The following PCMTD1 variants were observed in gnomAD, a reference collection of about 807,000 sequenced individuals.
The protein encoded by PCMTD1 is protein-L-isoaspartate O-methyltransferase domain-containing protein 1.
PCMTD1 carries 12 observed loss-of-function variants against 37.6 expected under a neutral mutation model. The observed-to-expected ratio is 0.32, with a 90% confidence interval of 0.20 to 0.52. PCMTD1 has a LOEUF of 0.52. Among genes scored for constraint, PCMTD1 ranks in the 20% least tolerant of loss-of-function variants. The pLI, the probability that PCMTD1 is intolerant of heterozygous loss-of-function variation, is 0.97. For synonymous variants in PCMTD1, 117 were observed against 135.8 expected (o/e 0.86, Z 0.96); for missense variants, 235 against 421.3 (o/e 0.56, Z 3.87).
At chr8:51,824,115 C>T (rs2037887117) in intron 5 of PCMTD1, among the ~76,000 whole-genome samples, 1 of 152,176 alleles carries the variant, frequency 6.6e-6, no homozygotes, top group African/African-American at 2.4e-5. Flanking sequence ...AAACTGGAAG[C>T]ATTCCCTTTG....
At chr8:51,838,430 G>T (rs770391179) in intron 3 of PCMTD1, among the ~76,000 whole-genome samples, 1 of 151,780 alleles carries the variant, frequency 6.6e-6, no homozygotes, top group Admixed American at 6.6e-5. Flanking sequence ...TGTAAACTAC[G>T]GTGAGCTATG....
intron 1 of PCMTD1, among the ~76,000 whole-genome samples, chr8:51,870,591 G>C (rs1034045462): frequency 6.6e-6 from 1 of 152,024 alleles, no homozygotes; most frequent in Non-Finnish European, 1.5e-5. Flanking sequence ...TATATACCTA[G>C]CACTGTGCTC....
intron 1 of PCMTD1, among the ~76,000 whole-genome samples, chr8:51,889,893 T>TAC (rs1389318433): frequency 2.2e-5 from 3 of 136,288 alleles, no homozygotes; most frequent in African/African-American, 7.8e-5. Context: ...TGTGTGTGTG[T>TAC]ACACACAAAA....
chr8:51,867,246 T>G (rs138672812), intron 1 of PCMTD1, among the ~76,000 whole-genome samples: 87 of 152,142 alleles, frequency 5.7e-4, no homozygotes, highest in Non-Finnish European at 1.0e-3. Context: ...TTGGTGGAAA[T>G]GAAAATTAAT....
At chr8:51,850,348 G>A (rs1438210573) in intron 2 of PCMTD1, among the ~76,000 whole-genome samples, 2 of 152,122 alleles carry the variant, frequency 1.3e-5, no homozygotes, top group East Asian at 1.9e-4. Flanking sequence ...ACCTACATAA[G>A]GGGTTCTCAA....
At chr8:51,899,165 A>G, upstream of PCMTD1, 2 of 1,315,422 alleles carry the variant, frequency 1.5e-6, no homozygotes, top group Non-Finnish European at 1.9e-6. Flanking sequence ...AAAGTCAACA[A>G]GGCCGGGAGA....
At chr8:51,850,063 G>A (rs1275326407) in intron 2 of PCMTD1, 8 of 702,242 alleles carry the variant, frequency 1.1e-5, no homozygotes, top group South Asian at 3.0e-5. Context: ...CATCATTTCA[G>A]TTGAGGACTC....
At chr8:51,885,495 G>A (rs979550243) in intron 1 of PCMTD1, among the ~76,000 whole-genome samples, 13 of 152,076 alleles carry the variant, frequency 8.5e-5, no homozygotes, top group African/African-American at 2.9e-4. Context: ...TACTGCAGTC[G>A]GCTTGAAAAG....
At chr8:51,838,991 G>T (rs1320002399) in intron 3 of PCMTD1, among the ~76,000 whole-genome samples, 1 of 152,204 alleles carries the variant, frequency 6.6e-6, no homozygotes, top group African/African-American at 2.4e-5. Flanking sequence ...ACTCGTAAAA[G>T]AATGGTTGGC....
At chr8:51,899,135 G>C (rs539439736), upstream of PCMTD1, 33 of 1,377,132 alleles carry the variant, frequency 2.4e-5, no homozygotes, top group South Asian at 4.7e-4. Flanking sequence ...CGGGCACAGG[G>C]GCAGCTCCCC....
In PCMTD1 at chr8:51,874,977, T is replaced by C. The variant is rs555563766; in HGVS notation, c.-95-13731A>G. 2.6e-5 allele frequency among the ~76,000 whole-genome samples: 4 copies of C among 152,306 alleles called. No individual in the cohort carries two copies. The East Asian group carries it at 7.7e-4, about 29-fold the overall frequency. Reference sequence around the variant, plus strand: ...AAGAAATTGAGCCTCAGCAGTTGCCTTGTTCAAGATGACACAAGTTAGTTG... The same window carrying C: ...AAGAAATTGAGCCTCAGCAGTTGCCCTGTTCAAGATGACACAAGTTAGTTG... On this transcript the variant is annotated intron_variant, in intron 1 of 5. Transcript: ENST00000522514.
At chr8:51,879,836 G>A (rs1229083324) in intron 1 of PCMTD1, among the ~76,000 whole-genome samples, 10 of 152,072 alleles carry the variant, frequency 6.6e-5, no homozygotes, top group Admixed American at 4.6e-4. Context: ...GCAAAGGGTT[G>A]ATAGCCAAAT....
chr8:51,898,389 C>T (rs1232445467), intron 1 of PCMTD1, among the ~76,000 whole-genome samples: 1 of 152,178 alleles, frequency 6.6e-6, no homozygotes, highest in Admixed American at 6.5e-5. Context: ...AAAAAGAGGC[C>T]TTGGCGCCTG....
intron 2 of PCMTD1, chr8:51,849,434 A>C (rs1274544851): frequency 2.0e-5 from 3 of 152,176 alleles, no homozygotes; most frequent in African/African-American, 7.2e-5. Flanking sequence ...AGATGTTTCT[A>C]TGAAACAAGG....
chr8:51,827,301 A>G (rs1563335512), intron 5 of PCMTD1: 1 of 1,261,660 alleles, frequency 7.9e-7, no homozygotes, highest in Non-Finnish European at 1.0e-6. Context: ...CAAGTACAGT[A>G]GTCTCCCTTT....
In PCMTD1 at chr8:51,818,688, G is replaced by C. The variant is rs1242485519; in HGVS notation, c.*1663C>G. ...CCCAATTCCACCATCCCAGCCACTG[G>C]TATAAAACAAATACCTTCCATGAAA... On this transcript the variant is annotated 3_prime_UTR_variant, in exon 6 of 6. Transcript: ENST00000522514. The C allele has an allele frequency of 9.8e-5, 15 of 152,438 alleles. No homozygotes were observed. The South Asian group carries it at 2.7e-3, about 27-fold the overall frequency. 9.4% of individuals were successfully genotyped at this position (152,438 alleles called of 1,614,324 possible).
intron 1 of PCMTD1, among the ~76,000 whole-genome samples, chr8:51,897,532 C>A (rs114840451): frequency 0.011 from 1,728 of 152,084 alleles, 13 homozygotes; most frequent in African/African-American, 0.021. Flanking sequence ...ATAAAAAAAA[C>A]CAAAAAGTAA....
chr8:51,899,009 A>G lies in PCMTD1; in HGVS notation c.-175T>C. ...AGCAGCCAGACGCCGCTACCACCAC[A>G]ATAACAACACGGACGCCACCGCCGA... is the stretch of plus-strand genomic sequence containing the variant. On this transcript the variant is annotated 5_prime_UTR_variant, in exon 1 of 6. Coordinates refer to ENST00000522514, the MANE Select transcript of PCMTD1 (RefSeq NM_052937.4). 1.3e-6 allele frequency: 2 copies of G among 1,513,314 alleles called. No homozygotes were observed. The highest frequency in any genetic ancestry group is 1.8e-6 in the Non-Finnish European group (2 of 1,137,878). 93.7% of individuals were successfully genotyped at this position (1,513,314 alleles called of 1,614,324 possible).
At chr8:51,829,115 C>T (rs953868237) in intron 5 of PCMTD1, among the ~76,000 whole-genome samples, 2 of 152,160 alleles carry the variant, frequency 1.3e-5, no homozygotes, top group Admixed American at 6.5e-5. Context: ...TTAGAACTGA[C>T]TGCTTAATTT....
Sources: allele counts gnomAD v4.1 joint callset (sites outside exome capture counted in the v4.1 genomes callset), GRCh38; gene constraint gnomAD v4.1.1; transcripts MANE v1.5; gene names NCBI Gene and HGNC (gene_info 2026-07-23, HGNC 2026-07-21).